Variants in ACTN1 observed in about 807,000 individuals in gnomAD.
ACTN1 encodes actinin alpha 1.
In ACTN1, 30 loss-of-function variants were observed where a neutral mutation model predicts 119.6. That is an observed-to-expected ratio of 0.25 (90% confidence interval 0.19 to 0.34). ACTN1 has a LOEUF of 0.34. ACTN1 is among the 10% of genes least tolerant of loss of function. ACTN1 has a pLI of 1.00. For synonymous variants in ACTN1, 429 were observed against 472.6 expected, an observed-to-expected ratio of 0.91 and a Z score of 1.20; for missense variants, 764 against 1,223.4, an observed-to-expected ratio of 0.62 and a Z score of 5.60.
At chr14:68,964,100 T>C (rs2036625217) in intron 1 of ACTN1, among the ~76,000 whole-genome samples, 1 of 152,130 alleles carries the variant, frequency 6.6e-6, no homozygotes, top group African/African-American at 2.4e-5. Flanking sequence ...TGCTGACCCA[T>C]CAAAGGATGA....
intron 1 of ACTN1, among the ~76,000 whole-genome samples, chr14:68,928,904 C>T (rs866175464): frequency 2.6e-5 from 4 of 152,014 alleles, no homozygotes; most frequent in African/African-American, 4.8e-5. Flanking sequence ...TTTTTTGCAC[C>T]GGTGCTGGTG....
intron 3 of ACTN1, among the ~76,000 whole-genome samples, chr14:68,920,443 C>T (rs897111367): frequency 3.3e-5 from 5 of 152,192 alleles, no homozygotes; most frequent in Admixed American, 6.5e-5. Context: ...ACCATGCACA[C>T]AAGAAATTAC....
At chr14:68,945,347 G>C (rs7145079) in intron 1 of ACTN1, among the ~76,000 whole-genome samples, 4 of 151,958 alleles carry the variant, frequency 2.6e-5, no homozygotes, top group Non-Finnish European at 5.9e-5. Flanking sequence ...ATGGGTGTTC[G>C]GGTTCCTGCA....
intron 3 of ACTN1, among the ~76,000 whole-genome samples, chr14:68,917,127 C>G (rs987636123): frequency 1.3e-5 from 2 of 152,228 alleles, no homozygotes; most frequent in Admixed American, 1.3e-4. Context: ...ATTCCAACCA[C>G]TCACCCAGGC....
chr14:68,942,672 G>A (rs527316758), intron 1 of ACTN1, among the ~76,000 whole-genome samples: 1 of 152,310 alleles, frequency 6.6e-6, no homozygotes, highest in South Asian at 2.1e-4. Flanking sequence ...TGAGGGATCC[G>A]GAAGCCCTCG....
rs565458454 is a variant in ACTN1 at position 68,882,760 on chromosome 14, G to A, written c.1818+113C>T. The A allele has an allele frequency of 5.3e-6, 8 of 1,510,662 alleles. No homozygotes were observed. The South Asian group carries it at 7.4e-5, about 14-fold the overall frequency. The allele number at this position is 1,510,662 out of a possible 1,614,324, so 93.6% of individuals were successfully genotyped here. A position where few individuals can be genotyped will look rare whatever the true frequency, so the allele number is the denominator to read the frequency against. On this transcript the variant is annotated intron_variant, in intron 15 of 21. Coordinates refer to ENST00000394419, the MANE Select transcript of ACTN1 (RefSeq NM_001130004.2). The surrounding 1 kb of genome is among the most constrained non-coding windows in gnomAD (Gnocchi z 4.5). Reference sequence around the variant, plus strand: ...GTCATTTGACATTTGGACAAACAATGAGTGTTTACTATATGACAATTTTAA... The same window carrying A: ...GTCATTTGACATTTGGACAAACAATAAGTGTTTACTATATGACAATTTTAA...
chr14:68,931,709 A>C (rs2035227819), intron 1 of ACTN1, among the ~76,000 whole-genome samples: 1 of 152,198 alleles, frequency 6.6e-6, no homozygotes, highest in East Asian at 1.9e-4. Context: ...AGATCGTTGC[A>C]GTAGCACGTG....
intron 1 of ACTN1, among the ~76,000 whole-genome samples, chr14:68,950,160 G>A (rs1032163711): frequency 7.2e-5 from 11 of 151,974 alleles, no homozygotes; most frequent in African/African-American, 2.4e-4. Flanking sequence ...CAGGCATAGT[G>A]GCAGGTGCCT....
chr14:68,953,759 C>T (rs1026884049), intron 1 of ACTN1, among the ~76,000 whole-genome samples: 1 of 151,468 alleles, frequency 6.6e-6, no homozygotes, highest in Admixed American at 6.6e-5. Context: ...TGGTGGCATG[C>T]GCCTGTACTC....
At chr14:68,949,925 G>A (rs2036073793) in intron 1 of ACTN1, among the ~76,000 whole-genome samples, 1 of 152,190 alleles carries the variant, frequency 6.6e-6, no homozygotes, top group African/African-American at 2.4e-5. Flanking sequence ...GAGGCAGAAA[G>A]TAGAATGGAA....
At chr14:68,900,698 A>T (rs562865362) in intron 8 of ACTN1, among the ~76,000 whole-genome samples, 2 of 152,204 alleles carry the variant, frequency 1.3e-5, no homozygotes, top group South Asian at 4.2e-4. Context: ...GTTCTCTGGC[A>T]TCTTCAAGTG....
chr14:68,943,814 G>A (rs1283774875), intron 1 of ACTN1, among the ~76,000 whole-genome samples: 2 of 152,222 alleles, frequency 1.3e-5, no homozygotes, highest in Non-Finnish European at 2.9e-5. Context: ...GTTCCCCACA[G>A]TCACACAGCT....
intron 9 of ACTN1, among the ~76,000 whole-genome samples, chr14:68,893,420 A>C (rs2032646095): frequency 6.6e-6 from 1 of 151,904 alleles, no homozygotes; most frequent in Non-Finnish European, 1.5e-5. Context: ...AAACAAGAAG[A>C]CTCTGAGAGG....
chr14:68,888,562 C>G (rs895353836), intron 11 of ACTN1, among the ~76,000 whole-genome samples: 2 of 152,132 alleles, frequency 1.3e-5, no homozygotes, highest in Non-Finnish European at 2.9e-5. Flanking sequence ...CCCCCCTTAG[C>G]CAGTCAAGCA....
intron 1 of ACTN1, among the ~76,000 whole-genome samples, chr14:68,942,204 T>A (rs201400946): frequency 8.7e-6 from 1 of 115,146 alleles, no homozygotes; most frequent in Non-Finnish European, 1.9e-5. Flanking sequence ...GGCAAAAAAC[T>A]CTGTCTCTAC....
intron 1 of ACTN1, chr14:68,936,940 T>C (rs1360584440): frequency 9.9e-6 from 5 of 504,532 alleles, no homozygotes; most frequent in Admixed American, 2.2e-5. Flanking sequence ...TCCCCTGTCC[T>C]CTACAGAGGA....
At chr14:68,975,955 C>T (rs1197262176) in intron 1 of ACTN1, among the ~76,000 whole-genome samples, 1 of 152,136 alleles carries the variant, frequency 6.6e-6, no homozygotes, top group Non-Finnish European at 1.5e-5. Context: ...TAACCTGATT[C>T]CCCAGAAGAG....
intron 1 of ACTN1, among the ~76,000 whole-genome samples, chr14:68,941,948 C>G (rs2035773459): frequency 6.6e-6 from 1 of 152,180 alleles, no homozygotes; most frequent in African/African-American, 2.4e-5. Flanking sequence ...TGCCACAGCG[C>G]CACCCACCTC....
intron 1 of ACTN1, chr14:68,936,608 A>G (rs2035529169): frequency 1.7e-6 from 1 of 581,858 alleles, no homozygotes; most frequent in Admixed American, 2.4e-5. Context: ...CAAGATGACA[A>G]CCTTCCAAAA....
Sources: gnomAD v4.1 joint callset for allele counts (sites outside exome capture counted in the v4.1 genomes callset) on GRCh38, gnomAD v4.1.1 for gene constraint, Gnocchi (gnomAD v3.1) non-coding constraint, MANE v1.5 for transcripts, NCBI Gene and HGNC (gene_info 2026-07-23, HGNC 2026-07-21) for gene names.